The following CCDC170 variants were observed in gnomAD, a reference collection of about 807,000 sequenced individuals.
CCDC170 encodes coiled-coil domain-containing protein 170.
CCDC170 carries 69 observed loss-of-function variants against 72.6 expected under a neutral mutation model. The ratio of observed to expected loss-of-function variants is 0.95; its 90% CI spans 0.78 to 1.16. The LOEUF is 1.16. Ranked by LOEUF, CCDC170 falls within the 50% of genes most tolerant of loss-of-function variation. The pLI, the probability that CCDC170 is intolerant of heterozygous loss-of-function variation, is 0.00. For synonymous variants in CCDC170, 300 were observed against 303.9 expected (o/e 0.99, Z 0.13); for missense variants, 852 against 832.5 (o/e 1.02, Z -0.29).
At chr6:151,572,965 T>C (rs548106838) in intron 5 of CCDC170, among the ~76,000 whole-genome samples, 1 of 152,194 alleles carries the variant, frequency 6.6e-6, no homozygotes, top group African/African-American at 2.4e-5. Flanking sequence ...TTTTCTGTTT[T>C]TAAGACACCT....
At position 151,585,951 on chromosome 6, in the gene CCDC170, GT is replaced by G. The variant is rs761871898; in HGVS notation, c.1158del (p.His387ThrfsTer22). Reference protein sequence around the residue: ...LVEQLGKESGFHQKALQRAQK... With the variant: ...LVEQLGKESGXHQKALQRAQK... ...TTGAACAGTTGGGAAAGGAGTCTGG[GT>G]TTCACCAGAAAGCTCTCCAGAGGGC... is the stretch of plus-strand genomic sequence containing the variant. On this transcript the variant is annotated frameshift_variant, in exon 7 of 11. Coordinates refer to ENST00000239374, the MANE Select transcript of CCDC170 (RefSeq NM_025059.4). LOFTEE classifies it high-confidence loss of function. The G allele has an allele frequency of 6.2e-7, 1 of 1,613,876 alleles. No homozygotes were observed. The highest frequency in any genetic ancestry group is 8.5e-7 in the Non-Finnish European group (1 of 1,179,966).
At chr6:151,520,045 G>T (rs1782294995) in intron 1 of CCDC170, among the ~76,000 whole-genome samples, 1 of 152,130 alleles carries the variant, frequency 6.6e-6, no homozygotes, top group Admixed American at 6.5e-5. Context: ...GGAGATGCAG[G>T]TCTCAGCCTC....
intron 1 of CCDC170, among the ~76,000 whole-genome samples, chr6:151,520,063 C>A (rs1388856756): frequency 6.6e-6 from 1 of 152,166 alleles, no homozygotes; most frequent in Admixed American, 6.5e-5. Context: ...CTCATTTTAC[C>A]CAGCCCCTAT....
intron 1 of CCDC170, among the ~76,000 whole-genome samples, chr6:151,498,026 G>C (rs1464810001): frequency 1.3e-5 from 2 of 151,114 alleles, no homozygotes; most frequent in African/African-American, 2.4e-5. Context: ...AAAAGCTGTA[G>C]CAATAGTTCT....
chr6:151,565,094 TG>T (rs1208904867), intron 5 of CCDC170, among the ~76,000 whole-genome samples: 1 of 151,752 alleles, frequency 6.6e-6, no homozygotes, highest in Non-Finnish European at 1.5e-5. Flanking sequence ...GTTAGTGGGG[TG>T]GGGTTGCTGC....
Position 151,620,204 on chromosome 6 carries a change from A to AAAAAG in CCDC170, c.*2059_*2060insAAGAA, listed in dbSNP as rs1554227838. On this transcript the variant is annotated 3_prime_UTR_variant, in exon 11 of 11. Transcript: ENST00000239374. ...TGGATGATTCCAAAAAAAAAAAAAA[A>AAAAAG]AAGAAGAAAGAGAGAAAGAAAGAAA... 1 of 149,670 alleles carries AAAAAG rather than the reference A, an allele frequency of 6.7e-6. No homozygotes were observed. The highest frequency in any genetic ancestry group is 6.7e-5 in the Admixed American group (1 of 14,976). 9.3% of individuals were successfully genotyped at this position (149,670 alleles called of 1,614,324 possible).
intron 1 of CCDC170, among the ~76,000 whole-genome samples, chr6:151,523,331 C>A (rs1359525269): frequency 6.6e-6 from 1 of 152,078 alleles, no homozygotes; most frequent in Non-Finnish European, 1.5e-5. Flanking sequence ...TTAATTTTCT[C>A]TCTGGCATAT....
chr6:151,569,821 C>A (rs765155425), intron 5 of CCDC170, among the ~76,000 whole-genome samples: 19 of 152,292 alleles, frequency 1.2e-4, no homozygotes, highest in Non-Finnish European at 2.2e-4. Context: ...GAGCGACCAT[C>A]CCCAAGGCCT....
At chr6:151,577,431 T>A (rs1190810244) in intron 6 of CCDC170, among the ~76,000 whole-genome samples, 1 of 152,232 alleles carries the variant, frequency 6.6e-6, no homozygotes, top group African/African-American at 2.4e-5. Flanking sequence ...ACCATAGCAG[T>A]TGTTTATGAA....
intron 1 of CCDC170, among the ~76,000 whole-genome samples, chr6:151,533,390 GGGCGTAGT>G (rs2115043243): frequency 6.6e-6 from 1 of 151,982 alleles, no homozygotes; most frequent in South Asian, 2.1e-4. Flanking sequence ...ACTTCTGGCT[GGGCGTAGT>G]GGCTCATGTC....
rs1018992961 is a variant in CCDC170 at position 151,494,029 on chromosome 6, C to T, written c.-100C>T. 3 of 1,189,992 alleles carry T rather than the reference C, an allele frequency of 2.5e-6. No individual in the cohort carries two copies. The highest frequency in any genetic ancestry group is 3.3e-6 in the Non-Finnish European group (3 of 908,882). The allele number at this position is 1,189,992 out of a possible 1,614,324, so 73.7% of individuals were successfully genotyped here. ...CCGCCGCGTCCCCGCGGTGTTTACCCGTTGCCCGAGGAGACACCCGCGCCA... is the reference window on the plus strand; with the variant it reads ...CCGCCGCGTCCCCGCGGTGTTTACCTGTTGCCCGAGGAGACACCCGCGCCA... On this transcript the variant is annotated 5_prime_UTR_variant, in exon 1 of 11. Transcript: ENST00000239374.
At chr6:151,495,625 G>A (rs1337170880) in intron 1 of CCDC170, among the ~76,000 whole-genome samples, 2 of 152,048 alleles carry the variant, frequency 1.3e-5, no homozygotes, top group African/African-American at 4.8e-5. Context: ...AGCCTCCAGA[G>A]TAGCTGGGAC....
intron 1 of CCDC170, among the ~76,000 whole-genome samples, chr6:151,495,164 A>G (rs907027672): frequency 2.0e-5 from 3 of 152,054 alleles, no homozygotes; most frequent in African/African-American, 7.2e-5. Flanking sequence ...AGCAGCTTTG[A>G]TTGTTGTTTT....
chr6:151,550,135 TTAACTA>T (rs1321464264), intron 5 of CCDC170, among the ~76,000 whole-genome samples: 3 of 152,258 alleles, frequency 2.0e-5, no homozygotes, highest in African/African-American at 7.2e-5. Flanking sequence ...GTATAATCCC[TTAACTA>T]TAATTTTGTG....
intron 1 of CCDC170, among the ~76,000 whole-genome samples, chr6:151,506,430 G>A (rs368377294): frequency 7.2e-5 from 11 of 152,164 alleles, no homozygotes; most frequent in African/African-American, 2.7e-4. Flanking sequence ...GCTTCTATTC[G>A]TGAAGGCAAA....
At chr6:151,531,879 T>C (rs1288965692) in intron 1 of CCDC170, among the ~76,000 whole-genome samples, 1 of 152,184 alleles carries the variant, frequency 6.6e-6, no homozygotes, top group Non-Finnish European at 1.5e-5. Flanking sequence ...CTCACTACTA[T>C]GAGAACAGGG....
chr6:151,539,378 T>C (rs1296998898), intron 3 of CCDC170, among the ~76,000 whole-genome samples: 4 of 152,210 alleles, frequency 2.6e-5, no homozygotes, highest in African/African-American at 9.7e-5. Context: ...AGTTAAATGG[T>C]CAGTCTTATC....
chr6:151,524,793 A>G (rs1168175862), intron 1 of CCDC170, among the ~76,000 whole-genome samples: 1 of 152,128 alleles, frequency 6.6e-6, no homozygotes, highest in African/African-American at 2.4e-5. Flanking sequence ...CCTATACACA[A>G]AAGTTTGGTA....
chr6:151,567,907 T>C (rs1776161328), intron 5 of CCDC170, among the ~76,000 whole-genome samples: 1 of 151,830 alleles, frequency 6.6e-6, no homozygotes, highest in African/African-American at 2.4e-5. Context: ...GGTCAGGAGT[T>C]CAAGACCAGC....
Sources: gnomAD v4.1 joint callset for allele counts (sites outside exome capture counted in the v4.1 genomes callset) on GRCh38, gnomAD v4.1.1 for gene constraint, MANE v1.5 for transcripts, NCBI Gene and HGNC (gene_info 2026-07-23, HGNC 2026-07-21) for gene names.